Variants in C2CD3 observed in about 807,000 individuals in gnomAD.
C2CD3 encodes C2 domain-containing protein 3.
A neutral mutation model predicts 234.0 loss-of-function variants in C2CD3; 148 were observed. The ratio of observed to expected loss-of-function variants is 0.63; its 90% CI spans 0.55 to 0.72. The LOEUF is 0.72. Among genes scored for constraint, C2CD3 ranks in the 30% least tolerant of loss-of-function variants. The pLI, the probability that C2CD3 is intolerant of heterozygous loss-of-function variation, is 0.00. For missense variants in C2CD3, 2,577 were observed against 2,811.5 expected (o/e 0.92, Z 1.89); for synonymous variants, 1,000 against 1,035.4 (o/e 0.97, Z 0.66).
intron 3 of C2CD3, among the ~76,000 whole-genome samples, chr11:74,155,948 C>T (rs1483118110): frequency 1.3e-5 from 2 of 151,746 alleles, no homozygotes; most frequent in Admixed American, 6.6e-5. Flanking sequence ...CCAGACCAGC[C>T]TGGACAACAT....
intron 12 of C2CD3, among the ~76,000 whole-genome samples, chr11:74,107,065 TA>T (rs780620956): frequency 6.6e-6 from 1 of 152,222 alleles, no homozygotes; most frequent in Non-Finnish European, 1.5e-5. Context: ...CCCATGCCTG[TA>T]ATCCCAGCAC....
rs368391963 is a variant in C2CD3, at chr11:74,042,111, T to A, written c.5603A>T (p.Asp1868Val). 9.3e-6 allele frequency: 15 copies of A among 1,613,464 alleles called. No homozygotes were observed. Among genetic ancestry groups the A allele is most frequent in the Non-Finnish European group, 1.3e-5 (15 of 1,179,988 alleles). ...HLQGEAPLPC[D>V]DKLTTSPLSS... ...CAAAGGTGATGTGGTCAGTTTGTCATCACATGGCAAGGGTGCCTCTCCCTG... is the reference window on the plus strand; with the variant it reads ...CAAAGGTGATGTGGTCAGTTTGTCAACACATGGCAAGGGTGCCTCTCCCTG... The change falls in exon 29 of 33, where the codon GAT becomes GTT. Residue 1868 changes from aspartate (D) to valine (V), a missense_variant. Asp to Val is a radical substitution (Grantham distance 152). Transcript: ENST00000334126.
At position 74,037,545 on chromosome 11, in the gene C2CD3, G is replaced by A. The variant is rs762591549; in HGVS notation, c.5814C>T (p.Asp1938=). Residue 1938 remains aspartate (D), a synonymous_variant, in exon 30 of 33, where the codon GAC becomes GAT. Coordinates refer to ENST00000334126, the MANE Select transcript of C2CD3 (RefSeq NM_001286577.2). The stretch of plus-strand genomic sequence containing the variant: ...TCTCCAGGATACACTGGCTCCCAGG[G>A]TCTAGGCTGCTGGCACCTGGCCCAA... The part of the protein sequence containing the change: ...DHLGPGASSL[D]PGSQCILEKS... 3 of 1,614,108 alleles carry A rather than the reference G, an allele frequency of 1.9e-6. No individual in the cohort carries two copies. The East Asian group carries it at 6.7e-5, about 36-fold the overall frequency.
At chr11:74,035,702 T>G (rs1952708621) in intron 30 of C2CD3, among the ~76,000 whole-genome samples, 2 of 151,436 alleles carry the variant, frequency 1.3e-5, no homozygotes, top group Non-Finnish European at 2.9e-5. Flanking sequence ...AGGGGCAGGC[T>G]TTTGCTGTTT....
Position 74,037,601 on chromosome 11 carries a change from A to G in C2CD3, c.5758T>C (p.Ser1920Pro), listed in dbSNP as rs1397973282. The change falls in exon 30 of 33, where the codon TCA becomes CCA. Residue 1920 changes from serine (S) to proline (P), a missense_variant. By Grantham distance (74) the Ser-to-Pro change is moderately conservative. Coordinates refer to ENST00000334126, the MANE Select transcript of C2CD3 (RefSeq NM_001286577.2). ...TCCCTACAGCTCTCCTGGTGCTGTG[A>G]GATGGCCGTTTGAGTCTGAGGGCTG... The part of the protein sequence containing the change: ...PLSPQTQTAI[S>P]QHQESCRDHL... The G allele has an allele frequency of 6.2e-7, 1 of 1,614,040 alleles. No individual in the cohort carries two copies.
intron 24 of C2CD3, among the ~76,000 whole-genome samples, chr11:74,059,759 C>A (rs888372947): frequency 6.6e-6 from 1 of 152,208 alleles, no homozygotes; most frequent in Admixed American, 6.5e-5. Context: ...AACTGAGGTA[C>A]CGGGTTCATC....
In C2CD3 at chr11:74,133,436, T is replaced by C; in HGVS notation, c.1077A>G (p.Arg359=). The C allele has an allele frequency of 6.2e-7, 1 of 1,613,662 alleles. No individual in the cohort carries two copies. Among genetic ancestry groups the C allele is most frequent in the Non-Finnish European group, 8.5e-7 (1 of 1,179,594 alleles). ...ATCCTGTAACTTACTGTGTTGATGC[T>C]CTAAGAGAATCTTCATTAATAGGAG... ...VHPPINEDSL[R]ASTQIRAFSR... The change falls in exon 6 of 33, where the codon AGA becomes AGG. Residue 359 remains arginine (R), a synonymous_variant. Coordinates refer to ENST00000334126, the MANE Select transcript of C2CD3 (RefSeq NM_001286577.2).
Position 74,085,820 on chromosome 11 carries a change from G to C in C2CD3, c.3708C>G (p.Thr1236=). 1 of 1,614,118 alleles carries C rather than the reference G, an allele frequency of 6.2e-7. No individual in the cohort carries two copies. Among genetic ancestry groups the C allele is most frequent in the Non-Finnish European group, 8.5e-7 (1 of 1,180,018 alleles). Residue 1236 remains threonine (T), a synonymous_variant, in exon 21 of 33, where the codon ACC becomes ACG. Transcript: ENST00000334126. ...CCTGGGGCAGGAAGGAGAGATGAGT[G>C]GTGACAGAGGCATTGACCCCGACTG... is the stretch of plus-strand genomic sequence containing the variant. ...SATVGVNASV[T]THLSFLPQGE...
intron 29 of C2CD3, among the ~76,000 whole-genome samples, chr11:74,039,468 C>T (rs1198528583): frequency 6.6e-6 from 1 of 152,210 alleles, no homozygotes; most frequent in African/African-American, 2.4e-5. Flanking sequence ...GCAGCATCAC[C>T]TGAGCTTGTT....
At chr11:74,152,946 T>C (rs368369780) in intron 3 of C2CD3, among the ~76,000 whole-genome samples, 3 of 152,210 alleles carry the variant, frequency 2.0e-5, no homozygotes, top group Non-Finnish European at 4.4e-5. Flanking sequence ...TAGTGAAAGA[T>C]GCCAGACATG....
Position 74,115,159 on chromosome 11 carries a change from T to TA in C2CD3, c.1521-567dup, listed in dbSNP as rs201536642. On this transcript the variant is annotated intron_variant, in intron 9 of 32. Transcript: ENST00000334126. ...GGTAATTTGAATCTATGCTCCCAGG[T>TA]AAAAAAAAAATTTAAAAATACTATA... is the stretch of plus-strand genomic sequence containing the variant. Among the ~76,000 whole-genome samples, 191 of 148,430 alleles carry TA rather than the reference T, an allele frequency of 1.3e-3. 1 individual carries two copies. Among genetic ancestry groups the TA allele is most frequent in the African/African-American group, 4.5e-3 (184 of 40,494 alleles).
intron 20 of C2CD3, among the ~76,000 whole-genome samples, chr11:74,089,062 T>C (rs1335645104): frequency 6.6e-6 from 1 of 152,228 alleles, no homozygotes; most frequent in Non-Finnish European, 1.5e-5. Context: ...AGATGATTTA[T>C]ACATGAGTAA....
intron 12 of C2CD3, among the ~76,000 whole-genome samples, chr11:74,107,561 G>T (rs997934676): frequency 3.9e-4 from 59 of 152,032 alleles, no homozygotes; most frequent in African/African-American, 1.4e-3. Flanking sequence ...TGATAAAAGG[G>T]TATTAACTCA....
intron 30 of C2CD3, 86 bp downstream of exon 30, chr11:74,037,392 G>T: frequency 9.5e-7 from 1 of 1,050,718 alleles, no homozygotes; most frequent in Non-Finnish European, 1.5e-6. Flanking sequence ...TGTCATAGGG[G>T]CTTGTCCGAA....
chr11:74,133,047 A>G (rs1957732383), intron 6 of C2CD3, 75 bp from the exon 7 acceptor site: 1 of 1,411,384 alleles, frequency 7.1e-7, no homozygotes, highest in Non-Finnish European at 9.9e-7. Flanking sequence ...CACTTCGTAC[A>G]TGCAGCTGGT....
chr11:74,148,597 T>G (rs993254324), intron 3 of C2CD3, among the ~76,000 whole-genome samples: 1 of 152,166 alleles, frequency 6.6e-6, no homozygotes, highest in African/African-American at 2.4e-5. Flanking sequence ...TCATTTATTT[T>G]TTTTGACATC....
At chr11:74,152,240 G>A (rs749643736) in intron 3 of C2CD3, among the ~76,000 whole-genome samples, 7 of 152,060 alleles carry the variant, frequency 4.6e-5, no homozygotes, top group Middle Eastern at 3.2e-3. Context: ...TGCTTTAGAC[G>A]TTTAAAGACA....
chr11:74,166,478 C>A (rs1856821215), intron 2 of C2CD3, among the ~76,000 whole-genome samples: 1 of 152,106 alleles, frequency 6.6e-6, no homozygotes, highest in Non-Finnish European at 1.5e-5. Context: ...TTAACTCTTT[C>A]AATTTACTGG....
Position 74,100,582 on chromosome 11 carries a change from T to C in C2CD3, c.2675A>G (p.Gln892Arg), listed in dbSNP as rs1331318561. Reference protein sequence around the residue: ...ETWNKVRSPGQDKLLGLVKLP... With the variant: ...ETWNKVRSPGRDKLLGLVKLP... ...TTTCACCAGCCCGAGCAGCTTGTCC[T>C]GTCCTGGGCTCCGCACCTTATTCCA... The change falls in exon 15 of 33, where the codon CAG becomes CGG. Residue 892 changes from glutamine (Q) to arginine (R), a missense_variant. By Grantham distance (43) the Gln-to-Arg change is conservative (BLOSUM62 1). Transcript: ENST00000334126. 3.7e-6 allele frequency: 6 copies of C among 1,614,096 alleles called. No individual in the cohort carries two copies. The East Asian group carries it at 8.9e-5, about 24-fold the overall frequency.
Sources: allele counts gnomAD v4.1 joint callset (sites outside exome capture counted in the v4.1 genomes callset), GRCh38; gene constraint gnomAD v4.1.1; transcripts MANE v1.5; gene names NCBI Gene and HGNC (gene_info 2026-07-23, HGNC 2026-07-21).